Variants in BBX observed in about 807,000 individuals in gnomAD.
The protein encoded by BBX is BBX high mobility group box domain containing, also known as HMG box transcription factor BBX.
A neutral mutation model predicts 100.2 loss-of-function variants in BBX; 30 were observed. That is an observed-to-expected ratio of 0.30 (90% CI 0.22 to 0.41). The LOEUF (loss-of-function observed/expected upper bound fraction) is 0.41. Ranked by LOEUF, BBX falls within the 10% of genes least tolerant of loss-of-function variation. BBX has a pLI of 1.00. For missense variants in BBX, 1,023 were observed against 1,129.8 expected, an observed-to-expected ratio of 0.91 and a Z score of 1.35; for synonymous variants, 376 against 388.1, an observed-to-expected ratio of 0.97 and a Z score of 0.37.
At position 107,808,493 on chromosome 3, in the gene BBX, G is replaced by A. The variant is rs375789394; in HGVS notation, c.*3036G>A. ...CAGATGGAGACGCAGTACTGTTCCA[G>A]TTTTCTTTAGCCTTTTATTTATTTA... On this transcript the variant is annotated 3_prime_UTR_variant, in exon 18 of 18. Coordinates refer to ENST00000325805, the MANE Select transcript of BBX (RefSeq NM_001142568.3). 2 of 152,176 alleles carry A rather than the reference G, an allele frequency of 1.3e-5. No homozygotes were observed. Among genetic ancestry groups the A allele is most frequent in the South Asian group, 4.1e-4 (2 of 4,832 alleles). 9.4% of individuals were successfully genotyped at this position (152,176 alleles called of 1,614,324 possible). A position where few individuals can be genotyped will look rare whatever the true frequency, so the allele number is the denominator to read the frequency against.
intron 2 of BBX, among the ~76,000 whole-genome samples, chr3:107,620,618 C>A (rs975772140): frequency 5.9e-5 from 9 of 152,172 alleles, no homozygotes; most frequent in African/African-American, 2.2e-4. Context: ...TCCATTGACA[C>A]CTGAGTGGAA....
At chr3:107,533,214 C>T (rs981707834) in intron 2 of BBX, among the ~76,000 whole-genome samples, 1 of 152,122 alleles carries the variant, frequency 6.6e-6, no homozygotes, top group African/African-American at 2.4e-5. Context: ...AAATCTGAAT[C>T]CTGAAGCATA....
In BBX at chr3:107,732,822, A is replaced by C. The variant is rs529730544; in HGVS notation, c.602-134A>C. On this transcript the variant is annotated intron_variant, in intron 6 of 17. Transcript: ENST00000325805. The stretch of plus-strand genomic sequence containing the variant: ...GGTTACTGTTGCATAAAGAGTTTTT[A>C]AAAGTTTTTATAAAAAGTTATATGT... 1.5e-4 allele frequency: 108 copies of C among 714,370 alleles called. 1 individual carries two copies. In the East Asian group the frequency reaches 3.0e-3, roughly 20 times the overall value. The allele number at this position is 714,370 out of a possible 1,614,324, so 44.3% of individuals were successfully genotyped here.
chr3:107,694,124 A>C, intron 3 of BBX, among the ~76,000 whole-genome samples: 1 of 124,104 alleles, frequency 8.1e-6, no homozygotes, highest in Non-Finnish European at 1.7e-5. Context: ...TAGATATACA[A>C]TCATGTCGTC....
intron 7 of BBX, among the ~76,000 whole-genome samples, chr3:107,740,727 C>T (rs2064026064): frequency 1.3e-5 from 2 of 151,872 alleles, no homozygotes; most frequent in Non-Finnish European, 2.9e-5. Flanking sequence ...CTCCTGTTAC[C>T]GTATCATTTC....
intron 3 of BBX, chr3:107,659,835 T>A: frequency 3.1e-6 from 3 of 976,198 alleles, no homozygotes; most frequent in Non-Finnish European, 4.2e-6. Context: ...GTTCTAGAAA[T>A]GCATCAGTTC....
Position 107,613,777 on chromosome 3 carries a change from C to T in BBX, c.-83-32059C>T, listed in dbSNP as rs749740015. On this transcript the variant is annotated intron_variant, in intron 2 of 17. Transcript: ENST00000325805. ...ATTCAGAGATTGCTTATAGACCTAT[C>T]TTCTAAAGCTTCCAACAAATTATTT... Among the ~76,000 whole-genome samples the T allele has an allele frequency of 3.3e-5, 5 of 152,030 alleles. 1 individual carries two copies. Among genetic ancestry groups the T allele is most frequent in the Admixed American group, 6.5e-5 (1 of 15,270 alleles).
intron 2 of BBX, among the ~76,000 whole-genome samples, chr3:107,580,775 G>A (rs546525406): frequency 2.0e-5 from 3 of 152,178 alleles, no homozygotes; most frequent in African/African-American, 4.8e-5. Context: ...GGGATTACAG[G>A]CATGCACCAC....
At chr3:107,755,203 C>A (rs1004926684) in intron 9 of BBX, among the ~76,000 whole-genome samples, 5 of 152,152 alleles carry the variant, frequency 3.3e-5, no homozygotes, top group Non-Finnish European at 2.9e-5. Context: ...TGTCTTTCCA[C>A]AGAGATCCCA....
intron 2 of BBX, among the ~76,000 whole-genome samples, chr3:107,538,202 T>C (rs1320993888): frequency 1.3e-5 from 2 of 152,218 alleles, no homozygotes; most frequent in African/African-American, 4.8e-5. Context: ...CTAGGGTTTT[T>C]TTTATGTTAA....
chr3:107,692,202 A>ATTTATTTAT (rs1330808822), intron 3 of BBX, among the ~76,000 whole-genome samples: 3 of 145,212 alleles, frequency 2.1e-5, no homozygotes, highest in African/African-American at 8.0e-5. Context: ...TTATTTATTT[A>ATTTATTTAT]TTATTATTAT....
intron 2 of BBX, among the ~76,000 whole-genome samples, chr3:107,582,758 T>C (rs970715447): frequency 6.6e-6 from 1 of 152,126 alleles, no homozygotes; most frequent in Non-Finnish European, 1.5e-5. Flanking sequence ...GTTTTAAAAT[T>C]TTTTAATGTA....
chr3:107,742,412 G>A (rs932699118), intron 7 of BBX, among the ~76,000 whole-genome samples: 3 of 151,252 alleles, frequency 2.0e-5, no homozygotes, highest in African/African-American at 7.3e-5. Flanking sequence ...TAACTACATA[G>A]CTTAGTACTC....
At chr3:107,566,561 T>G (rs1484212598) in intron 2 of BBX, among the ~76,000 whole-genome samples, 1 of 151,760 alleles carries the variant, frequency 6.6e-6, no homozygotes, top group Non-Finnish European at 1.5e-5. Flanking sequence ...TTTTTGTTTT[T>G]TTTTTTTTTT....
rs2071023182 is a variant in BBX, at chr3:107,805,775, C to G, written c.*318C>G. The G allele has an allele frequency of 2.8e-6, 1 of 362,854 alleles. No individual in the cohort carries two copies. The allele number at this position is 362,854 out of a possible 1,614,324, so 22.5% of individuals were successfully genotyped here. On this transcript the variant is annotated 3_prime_UTR_variant, in exon 18 of 18. Coordinates refer to ENST00000325805, the MANE Select transcript of BBX (RefSeq NM_001142568.3). ...AAAAGGCTGCCTTTACTGTAGCTCA[C>G]CCAGCATCTCTTTTACCAACCAGAG... is the stretch of plus-strand genomic sequence containing the variant.
intron 2 of BBX, among the ~76,000 whole-genome samples, chr3:107,565,563 C>G (rs1316816468): frequency 1.3e-5 from 2 of 151,390 alleles, no homozygotes; most frequent in African/African-American, 4.9e-5. Flanking sequence ...CTCTGCCTCC[C>G]AGGTTCACAC....
At chr3:107,624,555 G>A (rs609777) in intron 2 of BBX, among the ~76,000 whole-genome samples, 95,276 of 152,030 alleles carry the variant, frequency 0.63, 31,476 homozygotes, top group East Asian at 0.92. Context: ...ATCATGCAAT[G>A]CGGGACTGAT....
At chr3:107,569,486 G>A (rs2107510334) in intron 2 of BBX, among the ~76,000 whole-genome samples, 1 of 152,190 alleles carries the variant, frequency 6.6e-6, no homozygotes, top group African/African-American at 2.4e-5. Context: ...AAGGGAGATA[G>A]GGGTGGGGCC....
At position 107,772,656 on chromosome 3, in the gene BBX, T is replaced by C; in HGVS notation, c.935T>C (p.Met312Thr). 6.3e-7 allele frequency: 1 copy of C among 1,592,586 alleles called. No homozygotes were observed. Among genetic ancestry groups the C allele is most frequent in the South Asian group, 1.2e-5 (1 of 85,226 alleles). ...TGCCTGGCATCAGAAGGGATGAAAA[T>C]GGAAGAATCAAAGCTAATAAAAGCA... Reference protein sequence around the residue: ...EMCLASEGMKMEESKLIKAKE... With the variant: ...EMCLASEGMKTEESKLIKAKE... The change falls in exon 11 of 18, where the codon ATG becomes ACG. Residue 312 changes from methionine to threonine, a missense_variant. Physicochemically the swap from Met to Thr is moderately conservative, Grantham distance 81. This residue lies in a region of BBX where 4 missense variants were observed against 21.2 expected (regional missense o/e 0.19). Transcript: ENST00000325805.
Sources: gnomAD v4.1 joint callset for allele counts (sites outside exome capture counted in the v4.1 genomes callset) on GRCh38, gnomAD v4.1.1 for gene constraint, gnomAD v4.1.1 regional missense constraint, MANE v1.5 for transcripts, NCBI Gene and HGNC (gene_info 2026-07-23, HGNC 2026-07-21) for gene names.